The following DDX28 variants were observed in gnomAD, a reference collection of about 807,000 sequenced individuals.
The protein encoded by DDX28 is DEAD-box helicase 28, also known as probable ATP-dependent RNA helicase DDX28.
Under a neutral mutation model 26.8 loss-of-function variants are expected in DDX28, and 25 were observed. That is an observed-to-expected ratio of 0.93 (90% confidence interval 0.68 to 1.30). DDX28 has a LOEUF of 1.30. Among genes scored for constraint, DDX28 ranks in the 50% most tolerant of loss-of-function variants. DDX28 has a pLI of 0.00. For synonymous variants in DDX28, 370 were observed against 311.9 expected, an observed-to-expected ratio of 1.19 and a Z score of -1.96; for missense variants, 790 against 695.1, an observed-to-expected ratio of 1.14 and a Z score of -1.53.
Position 68,022,767 on chromosome 16 carries a change from G to A in DDX28, c.436C>T (p.Pro146Ser). Reference sequence around the variant, plus strand: ...ACGGTTGTGGGCTGAACGACTTCAGGCGCAGCCTCCTGTAGTGCGTGCAGC... The same window carrying A: ...ACGGTTGTGGGCTGAACGACTTCAGACGCAGCCTCCTGTAGTGCGTGCAGC... ...RVLHALQEAA[P>S]EVVQPTTVQS... Residue 146 changes from proline to serine, a missense_variant, in exon 1 of 1, where the codon CCT becomes TCT. Physicochemically the swap from Pro to Ser is moderately conservative, Grantham distance 74. Transcript: ENST00000332395. 3.1e-6 allele frequency: 5 copies of A among 1,611,464 alleles called. No homozygotes were observed. Among genetic ancestry groups the A allele is most frequent in the East Asian group, 2.2e-5 (1 of 44,842 alleles).
In DDX28 at chr16:68,022,912, C is replaced by T. The variant is rs745609429; in HGVS notation, c.291G>A (p.Trp97Ter). 6.4e-7 allele frequency: 1 copy of T among 1,561,224 alleles called. No individual in the cohort carries two copies. The highest frequency in any genetic ancestry group is 1.1e-5 in the South Asian group (1 of 87,136). ...WERAPLASQG[W>*]KSRRARRDHF... Reference sequence around the variant, plus strand: ...GGTCCCGACGCGCGCGTCGACTCTTCCAGCCTTGAGAGGCTAGCGGCGCGC... The same window carrying T: ...GGTCCCGACGCGCGCGTCGACTCTTTCAGCCTTGAGAGGCTAGCGGCGCGC... The change falls in exon 1 of 1, where the codon TGG becomes TGA. Residue 97 changes from tryptophan (W) to a stop codon, truncating the protein, a stop_gained. Coordinates refer to ENST00000332395, the MANE Select transcript of DDX28 (RefSeq NM_018380.4). LOFTEE classifies it high-confidence loss of function.
Position 68,023,190 on chromosome 16 carries a change from G to C in DDX28, c.13C>G (p.Arg5Gly). The C allele has an allele frequency of 6.2e-7, 1 of 1,609,624 alleles. No individual in the cohort carries two copies. Among genetic ancestry groups the C allele is most frequent in the South Asian group, 1.1e-5 (1 of 90,932 alleles). Residue 5 changes from arginine (R) to glycine (G), a missense_variant, in exon 1 of 1, where the codon CGG (arginine) becomes GGG (glycine). Arg to Gly is a moderately radical substitution (Grantham distance 125). Transcript: ENST00000332395. ...ACGAGGGAAAAGAGCCGCACCGGCCGCGTTAGAGCCATGTTTCCCTTAGTG... is the reference window on the plus strand; with the variant it reads ...ACGAGGGAAAAGAGCCGCACCGGCCCCGTTAGAGCCATGTTTCCCTTAGTG... MALT[R>G]PVRLFSLVTR...
rs773277986 is a variant in DDX28 at position 68,022,584 on chromosome 16, G to C, written c.619C>G (p.Leu207Val). 1.9e-6 allele frequency: 3 copies of C among 1,613,994 alleles called. No homozygotes were observed. The highest frequency in any genetic ancestry group is 2.2e-5 in the South Asian group (2 of 91,088). ...AATTCTCGGGAAGGAACAAGGACCA[G>C]GCCTCGGGGCGCGGGGATAGGAAGG... ...DSLPIPAPRG[L>V]VLVPSRELAQ... The change falls in exon 1 of 1, where the codon CTG becomes GTG. Residue 207 changes from leucine to valine, a missense_variant. Physicochemically the swap from Leu to Val is conservative, Grantham distance 32. Transcript: ENST00000332395.
chr16:68,021,865 G>GC lies in DDX28; in HGVS notation c.1337dup (p.Ser446ArgfsTer28). 1 of 1,614,192 alleles carries GC rather than the reference G, an allele frequency of 6.2e-7. No individual in the cohort carries two copies. Among genetic ancestry groups the GC allele is most frequent in the Non-Finnish European group, 8.5e-7 (1 of 1,180,048 alleles). Reference sequence around the variant, plus strand: ...CTGTGCAGAGAAGTATGTCTCGGGAGCTCTTCTGGAAGGACTGGAAGATTC... The same window carrying GC: ...CTGTGCAGAGAAGTATGTCTCGGGAGCCTCTTCTGGAAGGACTGGAAGATTC... On this transcript the variant is annotated frameshift_variant, in exon 1 of 1. Transcript: ENST00000332395. LOFTEE classifies it high-confidence loss of function.
chr16:68,021,451 G>A lies in DDX28; in HGVS notation c.*129C>T. 1 of 942,430 alleles carries A rather than the reference G, an allele frequency of 1.1e-6. No homozygotes were observed. The highest frequency in any genetic ancestry group is 1.6e-6 in the Non-Finnish European group (1 of 639,716). 58.4% of individuals were successfully genotyped at this position (942,430 alleles called of 1,614,324 possible). A position where few individuals can be genotyped will look rare whatever the true frequency, so the allele number is the denominator to read the frequency against. On this transcript the variant is annotated 3_prime_UTR_variant, in exon 1 of 1. Transcript: ENST00000332395. ...GCAGCGTACCTTTCCAAGTCACAAAGCAGTTCATCCCGCCCTCAAGGAGCC... is the reference window on the plus strand; with the variant it reads ...GCAGCGTACCTTTCCAAGTCACAAAACAGTTCATCCCGCCCTCAAGGAGCC...
At position 68,022,399 on chromosome 16, in the gene DDX28, C is replaced by A; in HGVS notation, c.804G>T (p.Lys268Asn). 2 of 1,614,158 alleles carry A rather than the reference C, an allele frequency of 1.2e-6. No individual in the cohort carries two copies. The highest frequency in any genetic ancestry group is 2.2e-5 in the South Asian group (2 of 91,086). The change falls in exon 1 of 1, where the codon AAG (lysine) becomes AAT (asparagine). Residue 268 changes from lysine to asparagine, a missense_variant. Transcript: ENST00000332395. ...GACTGATCAGTCGACTTTTCAGGGC[C>A]TTCCACAGAGCCCCTGGAGTGGCCA... The part of the protein sequence containing the change: ...VLVATPGALW[K>N]ALKSRLISLE...
rs202172086 is a variant in DDX28, at chr16:68,022,726, G to A, written c.477C>T (p.Ile159=). The part of the protein sequence containing the change: ...VQPTTVQSST[I]PSLLRGRHVV... The stretch of plus-strand genomic sequence containing the variant: ...CATGGCGGCCGCGAAGTAGTGAGGG[G>A]ATGGTGCTAGACTGCACGGTTGTGG... Residue 159 remains isoleucine (I), a synonymous_variant, in exon 1 of 1, where the codon ATC becomes ATT. Transcript: ENST00000332395. The A allele has an allele frequency of 8.1e-6, 13 of 1,613,098 alleles. No individual in the cohort carries two copies. Among genetic ancestry groups the A allele is most frequent in the Admixed American group, 5.0e-5 (3 of 59,994 alleles).
Position 68,022,051 on chromosome 16 carries a change from G to A in DDX28, c.1152C>T (p.Ile384=). 1 of 1,614,180 alleles carries A rather than the reference G, an allele frequency of 6.2e-7. No individual in the cohort carries two copies. Among genetic ancestry groups the A allele is most frequent in the African/African-American group, 1.3e-5 (1 of 75,044 alleles). Residue 384 remains isoleucine, a synonymous_variant, in exon 1 of 1, where the codon ATC becomes ATT. Transcript: ENST00000332395. ...TTTCTGCTCTGTCACGATGCTTGAG[G>A]ATGTGCACCAGCTCGGCCACCTTAT... ...GADKVAELVH[I]LKHRDRAERT...
Position 68,022,222 on chromosome 16 carries a change from C to T in DDX28, c.981G>A (p.Val327=), listed in dbSNP as rs778618223. Reference sequence around the variant, plus strand: ...CTTCGGGAAATGTGGCTCCTACCAGCACTAACTGAGCTTTGGGATTGAAGG... The same window carrying T: ...CTTCGGGAAATGTGGCTCCTACCAGTACTAACTGAGCTTTGGGATTGAAGG... The part of the protein sequence containing the change: ...EDPFNPKAQL[V]LVGATFPEGV... Residue 327 remains valine (V), a synonymous_variant, in exon 1 of 1, where the codon GTG becomes GTA. Coordinates refer to ENST00000332395, the MANE Select transcript of DDX28 (RefSeq NM_018380.4). The T allele has an allele frequency of 1.2e-6, 2 of 1,614,228 alleles. No homozygotes were observed. Among genetic ancestry groups the T allele is most frequent in the Admixed American group, 1.7e-5 (1 of 60,016 alleles).
Position 68,022,663 on chromosome 16 carries a change from G to T in DDX28, c.540C>A (p.Leu180=), listed in dbSNP as rs771118875. ...CAAETGSGKT[L]SYLLPLLQRL... ...GTTGAAGCAGCGGCAGGAGGTAGCT[G>T]AGAGTCTTGCCACTGCCGGTTTCTG... The change falls in exon 1 of 1, where the codon CTC becomes CTA. Residue 180 remains leucine (L), a synonymous_variant. Transcript: ENST00000332395. The T allele has an allele frequency of 6.2e-7, 1 of 1,613,184 alleles. No individual in the cohort carries two copies. The highest frequency in any genetic ancestry group is 1.1e-5 in the South Asian group (1 of 91,020).
In DDX28 at chr16:68,022,645, C is replaced by A. The variant is rs2033265539; in HGVS notation, c.558G>T (p.Leu186=). The change falls in exon 1 of 1, where the codon CTG becomes CTT. Residue 186 remains leucine (L), a synonymous_variant. Coordinates refer to ENST00000332395, the MANE Select transcript of DDX28 (RefSeq NM_018380.4). ...TTGGCTGGCCCAAGAGCCGTTGAAGCAGCGGCAGGAGGTAGCTGAGAGTCT... is the reference window on the plus strand; with the variant it reads ...TTGGCTGGCCCAAGAGCCGTTGAAGAAGCGGCAGGAGGTAGCTGAGAGTCT... ...SGKTLSYLLP[L]LQRLLGQPSL... 4 of 1,612,920 alleles carry A rather than the reference C, an allele frequency of 2.5e-6. No individual in the cohort carries two copies. Among genetic ancestry groups the A allele is most frequent in the Non-Finnish European group, 3.4e-6 (4 of 1,179,798 alleles).
At position 68,022,256 on chromosome 16, in the gene DDX28, A is replaced by G. The variant is rs1027841217; in HGVS notation, c.947T>C (p.Leu316Ser). ...AGCTTTGGGATTGAAGGGGTCTTCC[A>G]AGTCAGCTGGGCCTTCTGCTATGTG... ...KSHIAEGPAD[L>S]EDPFNPKAQL... Residue 316 changes from leucine to serine, a missense_variant, in exon 1 of 1, where the codon TTG (leucine) becomes TCG (serine). By Grantham distance (145) the Leu-to-Ser change is moderately radical. Coordinates refer to ENST00000332395, the MANE Select transcript of DDX28 (RefSeq NM_018380.4). The G allele has an allele frequency of 1.2e-6, 2 of 1,614,182 alleles. No homozygotes were observed. The highest frequency in any genetic ancestry group is 2.2e-5 in the South Asian group (2 of 91,090).
In DDX28 at chr16:68,022,529, G is replaced by T; in HGVS notation, c.674C>A (p.Pro225His). The T allele has an allele frequency of 6.2e-7, 1 of 1,613,964 alleles. No individual in the cohort carries two copies. Among genetic ancestry groups the T allele is most frequent in the Non-Finnish European group, 8.5e-7 (1 of 1,180,028 alleles). ...LAQQVRAVAQ[P>H]LGRSLGLLVR... ...CAGCAGGCCCAAGGAGCGGCCCAAG[G>T]GTTGGGCCACAGCCCGCACCTGTTG... The change falls in exon 1 of 1, where the codon CCC becomes CAC. Residue 225 changes from proline to histidine, a missense_variant. Pro to His is a moderately conservative substitution (Grantham distance 77). Coordinates refer to ENST00000332395, the MANE Select transcript of DDX28 (RefSeq NM_018380.4).
chr16:68,022,377 T>C lies in DDX28; in HGVS notation c.826A>G (p.Ser276Gly). ...LWKALKSRLISLEQLSFLVLD... is the reference protein window; with the variant it reads ...LWKALKSRLIGLEQLSFLVLD... The stretch of plus-strand genomic sequence containing the variant: ...ACCAAGAAGGAGAGTTGCTCCAGAC[T>C]GATCAGTCGACTTTTCAGGGCCTTC... The change falls in exon 1 of 1, where the codon AGT becomes GGT. Residue 276 changes from serine to glycine, a missense_variant. Physicochemically the swap from Ser to Gly is moderately conservative, Grantham distance 56 (BLOSUM62 0). Transcript: ENST00000332395. 6.2e-7 allele frequency: 1 copy of C among 1,614,206 alleles called. No homozygotes were observed. The highest frequency in any genetic ancestry group is 1.1e-5 in the South Asian group (1 of 91,090).
chr16:68,022,517 G>A lies in DDX28; in HGVS notation c.686C>T (p.Ser229Phe). ...VRAVAQPLGRSLGLLVRDLEG... is the reference protein window; with the variant it reads ...VRAVAQPLGRFLGLLVRDLEG... ...CAGGTCCCGCACCAGCAGGCCCAAGGAGCGGCCCAAGGGTTGGGCCACAGC... is the reference window on the plus strand; with the variant it reads ...CAGGTCCCGCACCAGCAGGCCCAAGAAGCGGCCCAAGGGTTGGGCCACAGC... Residue 229 changes from serine to phenylalanine, a missense_variant, in exon 1 of 1, where the codon TCC (serine) becomes TTC (phenylalanine). Physicochemically the swap from Ser to Phe is radical, Grantham distance 155 (BLOSUM62 -2). Transcript: ENST00000332395. 6.2e-7 allele frequency: 1 copy of A among 1,613,912 alleles called. No homozygotes were observed. The highest frequency in any genetic ancestry group is 8.5e-7 in the Non-Finnish European group (1 of 1,180,034).
In DDX28 at chr16:68,022,190, C is replaced by A. The variant is rs200912601; in HGVS notation, c.1013G>T (p.Gly338Val). 5.0e-6 allele frequency: 8 copies of A among 1,614,082 alleles called. No homozygotes were observed. Among genetic ancestry groups the A allele is most frequent in the Non-Finnish European group, 6.8e-6 (8 of 1,180,050 alleles). Residue 338 changes from glycine (G) to valine (V), a missense_variant, in exon 1 of 1, where the codon GGC becomes GTC. Physicochemically the swap from Gly to Val is moderately radical, Grantham distance 109 (BLOSUM62 -3). Coordinates refer to ENST00000332395, the MANE Select transcript of DDX28 (RefSeq NM_018380.4). ...LVGATFPEGV[G>V]QLLNKVASPD... is the part of the protein sequence containing the mutation. ...GCTGGCGACTTTATTCAGCAACTGG[C>A]CTACACCTTCGGGAAATGTGGCTCC... is the stretch of plus-strand genomic sequence containing the variant.
rs1406225311 is a variant in DDX28, at chr16:68,022,415, G to A, written c.788C>T (p.Pro263Leu). 1 of 1,613,968 alleles carries A rather than the reference G, an allele frequency of 6.2e-7. No homozygotes were observed. Among genetic ancestry groups the A allele is most frequent in the Non-Finnish European group, 8.5e-7 (1 of 1,180,052 alleles). ...QPSADVLVAT[P>L]GALWKALKSR... ...TTTCAGGGCCTTCCACAGAGCCCCT[G>A]GAGTGGCCACAAGCACATCTGCTGA... Residue 263 changes from proline to leucine, a missense_variant, in exon 1 of 1, where the codon CCA (proline) becomes CTA (leucine). By Grantham distance (98) the Pro-to-Leu change is moderately conservative. Coordinates refer to ENST00000332395, the MANE Select transcript of DDX28 (RefSeq NM_018380.4).
rs1207185223 is a variant in DDX28, at chr16:68,022,681, G to A, written c.522C>T (p.Thr174=). The A allele has an allele frequency of 2.5e-6, 4 of 1,613,164 alleles. No homozygotes were observed. Among genetic ancestry groups the A allele is most frequent in the African/African-American group, 1.3e-5 (1 of 74,948 alleles). The change falls in exon 1 of 1, where the codon ACC becomes ACT. Residue 174 remains threonine (T), a synonymous_variant. Coordinates refer to ENST00000332395, the MANE Select transcript of DDX28 (RefSeq NM_018380.4). ...GGTAGCTGAGAGTCTTGCCACTGCC[G>A]GTTTCTGCGGCGCAAACGACATGGC... ...RGRHVVCAAE[T]GSGKTLSYLL...
rs767860967 is a variant in DDX28, at chr16:68,022,879, G to A, written c.324C>T (p.Ser108=). The change falls in exon 1 of 1, where the codon TCC becomes TCT. Residue 108 remains serine (S), a synonymous_variant. Transcript: ENST00000332395. ...GCGCCTCCTGTTGCGCGCGCTCGAT[G>A]GAGAAGTGGTCCCGACGCGCGCGTC... ...KSRRARRDHF[S]IERAQQEAPA... The A allele has an allele frequency of 1.2e-5, 19 of 1,573,442 alleles. No homozygotes were observed. Among genetic ancestry groups the A allele is most frequent in the Non-Finnish European group, 1.4e-5 (16 of 1,160,270 alleles).
Sources: gnomAD v4.1 joint callset for allele counts on GRCh38, gnomAD v4.1.1 for gene constraint, MANE v1.5 for transcripts, NCBI Gene and HGNC (gene_info 2026-07-23, HGNC 2026-07-21) for gene names.